CHD8: variants seen among roughly 807,000 people sequenced by gnomAD.
The protein encoded by CHD8 is ATP-dependent chromatin remodeler CHD8.
A neutral mutation model predicts 279.2 loss-of-function variants in CHD8; 31 were observed. The ratio of observed to expected loss-of-function variants is 0.11; its 90% confidence interval spans 0.08 to 0.15. The LOEUF (loss-of-function observed/expected upper bound fraction) is 0.15. CHD8 is among the 10% of genes least tolerant of loss of function. The probability of loss-of-function intolerance (pLI) is 1.00; values close to 1 mark genes in which losing one functional copy is unlikely to be tolerated. For missense variants in CHD8, 2,146 were observed against 3,230.5 expected, an observed-to-expected ratio of 0.66 and a Z score of 8.14; for synonymous variants, 1,081 against 1,139.6, an observed-to-expected ratio of 0.95 and a Z score of 1.04.
chr14:21,399,551 G>C, intron 26 of CHD8, 51 bp downstream of exon 26: 2 of 1,299,030 alleles, frequency 1.5e-6, no homozygotes, highest in Admixed American at 1.7e-5. Flanking sequence ...TGTTCCATCC[G>C]TGAACATAAA....
At chr14:21,449,773 C>T (rs1011118093) in intron 1 of CHD8, among the ~76,000 whole-genome samples, 1 of 152,224 alleles carries the variant, frequency 6.6e-6, no homozygotes, top group Non-Finnish European at 1.5e-5. Flanking sequence ...TAGTTTCCAA[C>T]TGACTAGACT....
intron 1 of CHD8, chr14:21,436,775 G>A (rs536970534): frequency 2.1e-5 from 8 of 380,230 alleles, no homozygotes; most frequent in Admixed American, 1.7e-4. Flanking sequence ...ATTTTCAGGG[G>A]GTAAAGAAGA....
At chr14:21,398,819 T>C (rs1335168221) in intron 26 of CHD8, 1 of 191,332 alleles carries the variant, frequency 5.2e-6, no homozygotes, top group Non-Finnish European at 1.1e-5. Flanking sequence ...TGCTGCCTCA[T>C]ACCTATATCA....
At chr14:21,414,807 TC>T in intron 8 of CHD8, 130 bp downstream of exon 8, 1 of 695,750 alleles carries the variant, frequency 1.4e-6, no homozygotes, top group Non-Finnish European at 2.6e-6. Context: ...TAGCCATTTT[TC>T]CCCATTAAAA....
At position 21,401,675 on chromosome 14, in the gene CHD8, C is replaced by A. The variant is rs1044090105; in HGVS notation, c.4063-162G>T. ...TCTCCGCTCACCGCAACCTCCACCC[C>A]CTGGGTTCAAGTGATTCTCCTGCCT... On this transcript the variant is annotated intron_variant, in intron 20 of 37. Transcript: ENST00000646647. 2.5e-5 allele frequency: 15 copies of A among 588,410 alleles called. No homozygotes were observed. In the Admixed American group the frequency reaches 2.7e-4, roughly 11 times the overall value. 36.4% of individuals were successfully genotyped at this position (588,410 alleles called of 1,614,324 possible). A position where few individuals can be genotyped will look rare whatever the true frequency, so the allele number is the denominator to read the frequency against.
intron 10 of CHD8, among the ~76,000 whole-genome samples, chr14:21,411,241 C>T (rs1301397194): frequency 6.6e-6 from 1 of 152,076 alleles, no homozygotes; most frequent in Non-Finnish European, 1.5e-5. Flanking sequence ...CCCTAAAACC[C>T]GGCCCATTCT....
At chr14:21,447,390 G>C (rs1038580917) in intron 1 of CHD8, among the ~76,000 whole-genome samples, 1 of 109,332 alleles carries the variant, frequency 9.1e-6, no homozygotes, top group African/African-American at 3.5e-5. Flanking sequence ...TTTTTTTTTT[G>C]AGACAGGGTC....
At chr14:21,440,790 G>A (rs73579690) in intron 1 of CHD8, among the ~76,000 whole-genome samples, 3,411 of 152,240 alleles carry the variant, frequency 0.022, 134 homozygotes, top group African/African-American at 0.077. Context: ...GGTGGATGAG[G>A]AGCCACTGAA....
intron 5 of CHD8, among the ~76,000 whole-genome samples, chr14:21,417,405 A>C (rs1014384055): frequency 6.6e-6 from 1 of 152,044 alleles, no homozygotes; most frequent in Non-Finnish European, 1.5e-5. Context: ...TTAAAACTGA[A>C]TACTACAGAA....
At chr14:21,444,000 T>C (rs1161302877) in intron 1 of CHD8, among the ~76,000 whole-genome samples, 1 of 152,182 alleles carries the variant, frequency 6.6e-6, no homozygotes, top group Non-Finnish European at 1.5e-5. Flanking sequence ...TGTAGTCCTC[T>C]TTTAGGATAA....
Position 21,429,268 on chromosome 14 carries a change from T to G in CHD8, c.911A>C (p.His304Pro), listed in dbSNP as rs777577241. Residue 304 changes from histidine (H) to proline (P), a missense_variant, in exon 3 of 38, where the codon CAT (histidine) becomes CCT (proline). By Grantham distance (77) the His-to-Pro change is moderately conservative. Transcript: ENST00000646647. ...GCCTGGTAGACTCCCTAGCACAACA[T>G]GCCGATGTCCTTGGGGACCTCCAGA... ...PQSGGPQGHRHVVLGSLPGKI... is the reference protein window; with the variant it reads ...PQSGGPQGHRPVVLGSLPGKI... 15 of 1,611,464 alleles carry G rather than the reference T, an allele frequency of 9.3e-6. No homozygotes were observed. The South Asian group carries it at 1.3e-4, about 14-fold the overall frequency.
In CHD8 at chr14:21,408,361, G is replaced by T; in HGVS notation, c.2681C>A (p.Ala894Asp). The T allele has an allele frequency of 6.2e-7, 1 of 1,613,882 alleles. No homozygotes were observed. Among genetic ancestry groups the T allele is most frequent in the African/African-American group, 1.3e-5 (1 of 75,030 alleles). Reference protein sequence around the residue: ...MNTIVYHGSLASRQMIQQYEM... With the variant: ...MNTIVYHGSLDSRQMIQQYEM... ...ATACTGTTGAATCATCTGCCTGCTG[G>T]CCAGACTGCCATGGTACACAATAGT... The change falls in exon 13 of 38, where the codon GCC (alanine) becomes GAC (aspartate). Residue 894 changes from alanine to aspartate, a missense_variant. Transcript: ENST00000646647. This position sits in a 1 kb window ranked among gnomAD's most constrained non-coding sequence, Gnocchi z 4.3.
chr14:21,417,387 C>A (rs1888771818), intron 5 of CHD8, among the ~76,000 whole-genome samples: 1 of 152,028 alleles, frequency 6.6e-6, no homozygotes, highest in Non-Finnish European at 1.5e-5. Context: ...ATAAATTATG[C>A]TATAGCCTTA....
In CHD8 at chr14:21,406,794, A is replaced by G. The variant is rs565507816; in HGVS notation, c.2907+62T>C. The G allele has an allele frequency of 2.3e-4, 325 of 1,432,456 alleles. 3 individuals carry two copies. The South Asian group carries it at 4.1e-3, about 18-fold the overall frequency. 88.7% of individuals were successfully genotyped at this position (1,432,456 alleles called of 1,614,324 possible). On this transcript the variant is annotated intron_variant, in intron 14 of 37. Coordinates refer to ENST00000646647, the MANE Select transcript of CHD8 (RefSeq NM_001170629.2). ...TCTCTGCTAAACTAGGGTTATTTTA[A>G]TACCGCAAGGAATTACGGTTTATTC...
rs1427615904 is a variant in CHD8, at chr14:21,405,467, G to A, written c.3052-3C>T. On this transcript the variant is annotated splice_region_variant and splice_polypyrimidine_tract_variant and intron_variant, in intron 15 of 37. Coordinates refer to ENST00000646647, the MANE Select transcript of CHD8 (RefSeq NM_001170629.2). This position sits in a 1 kb window ranked among gnomAD's most constrained non-coding sequence, Gnocchi z 4.2. ...AGAATGGCCTGTAGCTTTTGAACCTGTGGTCCATTACAGAGAGAAAAATAA... is the reference window on the plus strand; with the variant it reads ...AGAATGGCCTGTAGCTTTTGAACCTATGGTCCATTACAGAGAGAAAAATAA... The A allele has an allele frequency of 3.1e-6, 5 of 1,601,370 alleles. No homozygotes were observed. The highest frequency in any genetic ancestry group is 2.2e-5 in the East Asian group (1 of 44,644).
chr14:21,441,810 A>G (rs966975250), intron 1 of CHD8, among the ~76,000 whole-genome samples: 3 of 152,016 alleles, frequency 2.0e-5, no homozygotes, highest in Non-Finnish European at 2.9e-5. Context: ...AATGGCATGA[A>G]CCCGGGAGGC....
At chr14:21,416,919 A>G (rs1230554553) in intron 5 of CHD8, among the ~76,000 whole-genome samples, 1 of 152,132 alleles carries the variant, frequency 6.6e-6, no homozygotes, top group Non-Finnish European at 1.5e-5. Flanking sequence ...CAGCCTGGTC[A>G]ACATGGTGAA....
At chr14:21,392,172 G>C in intron 34 of CHD8, 1 of 759,538 alleles carries the variant, frequency 1.3e-6, no homozygotes, top group Non-Finnish European at 2.4e-6. Context: ...TTACGAGAAA[G>C]AGTTTATTTC....
intron 10 of CHD8, among the ~76,000 whole-genome samples, chr14:21,410,681 C>T (rs1214552278): frequency 6.6e-6 from 1 of 152,254 alleles, no homozygotes; most frequent in East Asian, 1.9e-4. Context: ...GCACTTACTG[C>T]ATCTCCATTT....
Sources: allele counts gnomAD v4.1 joint callset (sites outside exome capture counted in the v4.1 genomes callset), GRCh38; gene constraint gnomAD v4.1.1; non-coding constraint Gnocchi (gnomAD v3.1); transcripts MANE v1.5; gene names NCBI Gene and HGNC (gene_info 2026-07-23, HGNC 2026-07-21).